The following SATB2 variants were observed in gnomAD, a reference collection of about 807,000 sequenced individuals.
SATB2 encodes DNA-binding protein SATB2.
A neutral mutation model predicts 73.4 loss-of-function variants in SATB2; 1 was observed. That is an observed-to-expected ratio of 0.01 (90% CI 0.00 to 0.06). The LOEUF is 0.06. Ranked by LOEUF, SATB2 falls within the 10% of genes least tolerant of loss-of-function variation. The probability of loss-of-function intolerance (pLI) is 1.00; values close to 1 mark genes in which losing one functional copy is unlikely to be tolerated. For synonymous variants in SATB2, 397 were observed against 367.0 expected (o/e 1.08, Z -0.93); for missense variants, 459 against 945.8 (o/e 0.49, Z 6.75).
intron 2 of SATB2, among the ~76,000 whole-genome samples, chr2:199,446,239 C>T (rs911013631): frequency 2.0e-5 from 3 of 152,066 alleles, no homozygotes; most frequent in Non-Finnish European, 4.4e-5. Flanking sequence ...AAAAATTTTA[C>T]CACAGGGTTT....
At chr2:199,442,376 G>A (rs1048056348) in intron 2 of SATB2, among the ~76,000 whole-genome samples, 7 of 152,176 alleles carry the variant, frequency 4.6e-5, no homozygotes, top group African/African-American at 1.7e-4. Context: ...ACTTGTCAGG[G>A]TATCACCACG....
At chr2:199,428,975 C>A (rs1193940419) in intron 3 of SATB2, among the ~76,000 whole-genome samples, 2 of 140,566 alleles carry the variant, frequency 1.4e-5, no homozygotes, top group Admixed American at 7.5e-5. Flanking sequence ...CAATGCACTG[C>A]AGCCTGGGAT....
At chr2:199,298,381 G>A (rs964029553) in intron 10 of SATB2, among the ~76,000 whole-genome samples, 1 of 152,122 alleles carries the variant, frequency 6.6e-6, no homozygotes, top group African/African-American at 2.4e-5. Context: ...CATGCTTCCA[G>A]CAGAGATAAT....
rs569308693 is a variant in SATB2, at chr2:199,356,574, T to C, written c.701-7401A>G. ...CCAGAGAAATTTAAAAAATGTGCTC[T>C]AGGTCGAATAACTGTCCAAATGCAG... On this transcript the variant is annotated intron_variant, in intron 6 of 10. Coordinates refer to ENST00000417098, the MANE Select transcript of SATB2 (RefSeq NM_001172509.2). Among the ~76,000 whole-genome samples, 96 of 152,316 alleles carry C rather than the reference T, an allele frequency of 6.3e-4. No individual in the cohort carries two copies. In the Middle Eastern group the frequency reaches 0.01, roughly 16 times the overall value.
At chr2:199,293,155 G>C (rs942775134) in intron 10 of SATB2, among the ~76,000 whole-genome samples, 1 of 152,128 alleles carries the variant, frequency 6.6e-6, no homozygotes, top group Non-Finnish European at 1.5e-5. Flanking sequence ...AGTGGGAACA[G>C]CCTTTTCTAG....
intron 3 of SATB2, among the ~76,000 whole-genome samples, chr2:199,429,988 T>C (rs1691453131): frequency 6.6e-6 from 1 of 152,198 alleles, no homozygotes; most frequent in African/African-American, 2.4e-5. Flanking sequence ...AGGGGAGAGA[T>C]AAAATGCCCA....
chr2:199,383,651 G>C (rs1689842867), intron 3 of SATB2, among the ~76,000 whole-genome samples: 1 of 151,944 alleles, frequency 6.6e-6, no homozygotes. Flanking sequence ...AGATTTTGTG[G>C]GTCATTTTGG....
At chr2:199,319,001 T>C (rs1038133836) in intron 9 of SATB2, among the ~76,000 whole-genome samples, 1 of 135,698 alleles carries the variant, frequency 7.4e-6, no homozygotes, top group Non-Finnish European at 1.6e-5. Flanking sequence ...AACTTGAAAC[T>C]TTTTTTTTTT....
At chr2:199,277,890 CAG>C (rs1265632766) in intron 10 of SATB2, among the ~76,000 whole-genome samples, 1 of 152,086 alleles carries the variant, frequency 6.6e-6, no homozygotes, top group Non-Finnish European at 1.5e-5. Context: ...GTTTAAGGTG[CAG>C]AGTTTGCAAG....
At chr2:199,283,654 A>G (rs1026257762) in intron 10 of SATB2, among the ~76,000 whole-genome samples, 2 of 149,884 alleles carry the variant, frequency 1.3e-5, no homozygotes, top group African/African-American at 4.9e-5. Flanking sequence ...CTGGTGGGAA[A>G]TGCTGGCCTG....
chr2:199,407,695 A>G (rs1407440260), intron 3 of SATB2, among the ~76,000 whole-genome samples: 1 of 152,196 alleles, frequency 6.6e-6, no homozygotes, highest in Non-Finnish European at 1.5e-5. Flanking sequence ...GAAGTTTCAA[A>G]CTGGAAATGC....
At chr2:199,458,931 A>G (rs1692391800), upstream of SATB2, among the ~76,000 whole-genome samples, 1 of 152,022 alleles carries the variant, frequency 6.6e-6, no homozygotes, top group South Asian at 2.1e-4. Flanking sequence ...GTCCGGAACA[A>G]TAGTCGGGGT....
In SATB2 at chr2:199,270,699, A is replaced by G. The variant is rs937745689; in HGVS notation, c.*1512T>C. 2 of 152,360 alleles carry G rather than the reference A, an allele frequency of 1.3e-5. No homozygotes were observed. Among genetic ancestry groups the G allele is most frequent in the Admixed American group, 6.5e-5 (1 of 15,274 alleles). The allele number at this position is 152,360 out of a possible 1,614,324, so 9.4% of individuals were successfully genotyped here. ...GATCTGGAGTACTATAGTAGATTGC[A>G]GCTTTAATGCTCATCCCATTAAACA... On this transcript the variant is annotated 3_prime_UTR_variant, in exon 11 of 11. Transcript: ENST00000417098.
chr2:199,403,831 G>A (rs989198775), intron 3 of SATB2, among the ~76,000 whole-genome samples: 4 of 152,090 alleles, frequency 2.6e-5, no homozygotes, highest in African/African-American at 7.2e-5. Flanking sequence ...CAATCTGGTC[G>A]GTTAGCAAAA....
intron 3 of SATB2, among the ~76,000 whole-genome samples, chr2:199,410,080 T>C (rs1230296508): frequency 6.6e-6 from 1 of 152,188 alleles, no homozygotes; most frequent in Non-Finnish European, 1.5e-5. Context: ...GATCACAAAC[T>C]GCCTTTTTCT....
Position 199,455,241 on chromosome 2 carries a change from T to C in SATB2, c.169+628A>G. Among the ~76,000 whole-genome samples the C allele has an allele frequency of 6.6e-6, 1 of 152,208 alleles. No homozygotes were observed. The highest frequency in any genetic ancestry group is 1.9e-4 in the East Asian group (1 of 5,202). On this transcript the variant is annotated intron_variant, in intron 2 of 10. Transcript: ENST00000417098. This position sits in a 1 kb window ranked among gnomAD's most constrained non-coding sequence, Gnocchi z 4.1. The stretch of plus-strand genomic sequence containing the variant: ...ACTACATCTAGTTGATAAGGCTACT[T>C]TGCTATTTTTATCTGTTCTCCTATA...
chr2:199,312,006 T>C (rs1687611642), intron 9 of SATB2, among the ~76,000 whole-genome samples: 3 of 151,922 alleles, frequency 2.0e-5, no homozygotes, highest in East Asian at 3.9e-4. Flanking sequence ...TTATATAATC[T>C]TTGCATGCCA....
rs541177158 is a variant in SATB2 at position 199,344,256 on chromosome 2, A to C, written c.1173+4445T>G. Among the ~76,000 whole-genome samples the C allele has an allele frequency of 5.1e-3, 765 of 149,622 alleles. 6 individuals carry two copies. Among genetic ancestry groups the C allele is most frequent in the African/African-American group, 0.017 (709 of 41,092 alleles). On this transcript the variant is annotated intron_variant, in intron 7 of 10. Coordinates refer to ENST00000417098, the MANE Select transcript of SATB2 (RefSeq NM_001172509.2). ...ACAGATGAACGAACACACACACACA[A>C]CACACACACACACACAGAGACAGAG...
At chr2:199,416,044 CAAAGG>C (rs1293343251) in intron 3 of SATB2, among the ~76,000 whole-genome samples, 2 of 152,236 alleles carry the variant, frequency 1.3e-5, no homozygotes, top group East Asian at 3.9e-4. Context: ...GGGGTGAGTA[CAAAGG>C]AAAGGAAAAG....
Sources: gnomAD v4.1 joint callset for allele counts (sites outside exome capture counted in the v4.1 genomes callset) on GRCh38, gnomAD v4.1.1 for gene constraint, Gnocchi (gnomAD v3.1) non-coding constraint, MANE v1.5 for transcripts, NCBI Gene and HGNC (gene_info 2026-07-23, HGNC 2026-07-21) for gene names.